Variants in PITPNM2 observed in about 807,000 individuals in gnomAD.
The protein encoded by PITPNM2 is phosphatidylinositol transfer protein membrane associated 2.
A neutral mutation model predicts 132.2 loss-of-function variants in PITPNM2; 35 were observed. The ratio of observed to expected loss-of-function variants is 0.26; its 90% CI spans 0.20 to 0.35. The LOEUF (loss-of-function observed/expected upper bound fraction) is 0.35, where lower values mean the gene tolerates loss of function less well. Ranked by LOEUF, PITPNM2 falls within the 10% of genes least tolerant of loss-of-function variation. PITPNM2 has a pLI of 1.00. For missense variants in PITPNM2, 1,332 were observed against 1,912.0 expected (o/e 0.70, Z 5.66); for synonymous variants, 738 against 799.2 (o/e 0.92, Z 1.29).
intron 1 of PITPNM2, among the ~76,000 whole-genome samples, chr12:123,112,496 T>C (rs921854712): frequency 2.6e-5 from 4 of 152,044 alleles, no homozygotes; most frequent in East Asian, 1.9e-4. Flanking sequence ...GGAACAAATG[T>C]CATTTCATTC....
chr12:123,146,439 C>T (rs2043619833), intron 1 of PITPNM2, among the ~76,000 whole-genome samples: 1 of 151,880 alleles, frequency 6.6e-6, no homozygotes. Context: ...ACTAAAAATA[C>T]AAAAATTAGC....
chr12:122,991,851 G>A, intron 16 of PITPNM2: 1 of 1,307,028 alleles, frequency 7.7e-7, no homozygotes, highest in Non-Finnish European at 9.7e-7. Flanking sequence ...AGAGGGGCCA[G>A]GGGGCCGCCC....
intron 1 of PITPNM2, among the ~76,000 whole-genome samples, chr12:123,142,490 T>C (rs1430705069): frequency 6.6e-6 from 1 of 152,238 alleles, no homozygotes; most frequent in African/African-American, 2.4e-5. Flanking sequence ...TTGTTATTAA[T>C]GGTGTTTTAG....
intron 2 of PITPNM2, among the ~76,000 whole-genome samples, chr12:123,080,527 T>G (rs982706110): frequency 6.6e-6 from 1 of 152,106 alleles, no homozygotes; most frequent in African/African-American, 2.4e-5. Flanking sequence ...AAAGCAATGC[T>G]CCCCATGGGT....
chr12:123,053,723 A>G (rs1200839729), intron 2 of PITPNM2, among the ~76,000 whole-genome samples: 1 of 151,868 alleles, frequency 6.6e-6, no homozygotes, highest in African/African-American at 2.4e-5. Context: ...ATGTGCCACC[A>G]CGCCCGGCTA....
chr12:123,122,529 T>C (rs2137452336), intron 1 of PITPNM2, among the ~76,000 whole-genome samples: 1 of 152,306 alleles, frequency 6.6e-6, no homozygotes, highest in African/African-American at 2.4e-5. Flanking sequence ...CGCAAGCCTG[T>C]TGATAGGCCT....
chr12:123,036,406 C>T lies in PITPNM2; in HGVS notation c.-95-1721G>A, dbSNP rs1237761256. 2.0e-5 allele frequency among the ~76,000 whole-genome samples: 3 copies of T among 152,152 alleles called. No individual in the cohort carries two copies. The highest frequency in any genetic ancestry group is 4.1e-4 in the South Asian group (2 of 4,828). On this transcript the variant is annotated intron_variant, in intron 2 of 25. Coordinates refer to ENST00000320201, the MANE Select transcript of PITPNM2 (RefSeq NM_020845.3). The surrounding 1 kb of genome is among the most constrained non-coding windows in gnomAD (Gnocchi z 4.1). ...AGCAGGTAGGAACGTCAGCCCGAAG[C>T]CCATTCAAATTCTCACATCCATCCT...
Position 123,000,857 on chromosome 12 carries a change from A to G in PITPNM2, c.1154-9T>C. ...CTGGCGGTACAGACCATCTGCAAAGACACAGAAGCCGTGCTGTGAGCTGAG... is the reference window on the plus strand; with the variant it reads ...CTGGCGGTACAGACCATCTGCAAAGGCACAGAAGCCGTGCTGTGAGCTGAG... On this transcript the variant is annotated splice_polypyrimidine_tract_variant and intron_variant, in intron 9 of 25. Coordinates refer to ENST00000320201, the MANE Select transcript of PITPNM2 (RefSeq NM_020845.3). This position sits in a 1 kb window ranked among gnomAD's most constrained non-coding sequence, Gnocchi z 5.4. 6.2e-7 allele frequency: 1 copy of G among 1,613,662 alleles called. No individual in the cohort carries two copies.
chr12:123,151,602 C>A (rs1565886637), upstream of PITPNM2, among the ~76,000 whole-genome samples: 1 of 152,066 alleles, frequency 6.6e-6, no homozygotes, highest in Admixed American at 6.5e-5. Flanking sequence ...GCCCAGGGAA[C>A]GGCAGAGCCG....
intron 3 of PITPNM2, among the ~76,000 whole-genome samples, chr12:123,018,016 C>T (rs1325291889): frequency 1.4e-5 from 2 of 140,166 alleles, no homozygotes. Context: ...TCCTTCCTTC[C>T]TTCCTTCCTT....
rs546665010 is a variant in PITPNM2 at position 123,071,678 on chromosome 12, G to C, written c.-95-36993C>G. ...ACACTGGAGGAGAGCCCCACAAGAC[G>C]ATCATCCGCTTCACACGCTCCTGCG... On this transcript the variant is annotated intron_variant, in intron 2 of 25. Transcript: ENST00000320201. Among the ~76,000 whole-genome samples, 6 of 152,340 alleles carry C rather than the reference G, an allele frequency of 3.9e-5. No homozygotes were observed. The East Asian group carries it at 1.2e-3, about 29-fold the overall frequency.
At chr12:123,069,887 A>G (rs540807087) in intron 2 of PITPNM2, among the ~76,000 whole-genome samples, 72 of 152,334 alleles carry the variant, frequency 4.7e-4, no homozygotes, top group African/African-American at 1.7e-3. Context: ...CCTTCCTGGA[A>G]CAGATTCTGG....
At chr12:123,145,706 T>C (rs1340135027) in intron 1 of PITPNM2, among the ~76,000 whole-genome samples, 2 of 152,160 alleles carry the variant, frequency 1.3e-5, no homozygotes, top group South Asian at 4.1e-4. Context: ...GCAAGGGCAG[T>C]TGTTAATATA....
At chr12:123,037,339 T>G (rs192138191) in intron 2 of PITPNM2, among the ~76,000 whole-genome samples, 7 of 152,306 alleles carry the variant, frequency 4.6e-5, no homozygotes, top group Admixed American at 1.3e-4. Flanking sequence ...AAGGGAAAAT[T>G]GAAGTTCAAT....
chr12:123,035,645 G>C (rs1362256479), intron 2 of PITPNM2, among the ~76,000 whole-genome samples: 3 of 150,910 alleles, frequency 2.0e-5, no homozygotes, highest in Non-Finnish European at 4.4e-5. Context: ...CAGCCTGGGG[G>C]ACAAGAGTGA....
upstream of PITPNM2, among the ~76,000 whole-genome samples, chr12:123,151,507 C>A (rs2043752807): frequency 6.6e-6 from 1 of 152,152 alleles, no homozygotes; most frequent in Non-Finnish European, 1.5e-5. Context: ...CAGAGCGCAG[C>A]GGGCAGCTCA....
chr12:122,995,358 A>G (rs762793553), intron 14 of PITPNM2, 31 bp downstream of exon 14: 9 of 1,554,772 alleles, frequency 5.8e-6, no homozygotes, highest in Non-Finnish European at 7.0e-6. Context: ...CCACACCCAG[A>G]GGCAAGCCCC....
At chr12:123,076,645 A>G (rs2041800213) in intron 2 of PITPNM2, among the ~76,000 whole-genome samples, 1 of 152,226 alleles carries the variant, frequency 6.6e-6, no homozygotes, top group African/African-American at 2.4e-5. Context: ...ATACTGGAAC[A>G]TCTAGACTTC....
intron 2 of PITPNM2, among the ~76,000 whole-genome samples, chr12:123,105,997 G>A (rs761844919): frequency 6.6e-6 from 1 of 152,146 alleles, no homozygotes; most frequent in African/African-American, 2.4e-5. Flanking sequence ...GTCCTGAAGA[G>A]CACAAGTGAA....
Sources: allele counts gnomAD v4.1 joint callset (sites outside exome capture counted in the v4.1 genomes callset), GRCh38; gene constraint gnomAD v4.1.1; non-coding constraint Gnocchi (gnomAD v3.1); transcripts MANE v1.5; gene names NCBI Gene and HGNC (gene_info 2026-07-23, HGNC 2026-07-21).